The following CATSPERB variants were observed in gnomAD, a reference collection of about 807,000 sequenced individuals.
The protein encoded by CATSPERB is catsper channel auxiliary subunit beta, also known as cation channel sperm-associated auxiliary subunit beta.
CATSPERB carries 93 observed loss-of-function variants against 128.3 expected under a neutral mutation model. That is an observed-to-expected ratio of 0.72 (90% CI 0.61 to 0.86). The LOEUF (loss-of-function observed/expected upper bound fraction) is 0.86, where lower values mean the gene tolerates loss of function less well. Ranked by LOEUF, CATSPERB falls within the 40% of genes least tolerant of loss-of-function variation. The pLI, the probability that CATSPERB is intolerant of heterozygous loss-of-function variation, is 0.00. For synonymous variants in CATSPERB, 381 were observed against 448.8 expected, an observed-to-expected ratio of 0.85 and a Z score of 1.91; for missense variants, 1,153 against 1,329.5, an observed-to-expected ratio of 0.87 and a Z score of 2.06.
chr14:91,587,375 C>G, intron 25 of CATSPERB, 99 bp from the exon 26 acceptor site: 1 of 714,234 alleles, frequency 1.4e-6, no homozygotes, highest in South Asian at 3.0e-5. Flanking sequence ...CCTATAGATG[C>G]TGCATGAAAA....
chr14:91,722,625 G>C (rs1896054004), intron 4 of CATSPERB, among the ~76,000 whole-genome samples: 1 of 152,076 alleles, frequency 6.6e-6, no homozygotes, highest in African/African-American at 2.4e-5. Context: ...AACTATTTAA[G>C]TGCACACTTT....
chr14:91,581,410 G>T (rs191606226), intron 26 of CATSPERB, among the ~76,000 whole-genome samples: 1 of 152,230 alleles, frequency 6.6e-6, no homozygotes, highest in Non-Finnish European at 1.5e-5. Context: ...AGAGGAATGG[G>T]CAAAGAGCTC....
Position 91,621,863 on chromosome 14 carries a change from T to C in CATSPERB, c.2005A>G (p.Thr669Ala). ...GCATTCTTATTATCTAAAATGCTTG[T>C]GATGAGGAAGCTGCTGTACCCGGGA... The part of the protein sequence containing the change: ...VLPGYSSFLI[T>A]SILDNKNALA... The change falls in exon 19 of 27, where the codon ACA (threonine) becomes GCA (alanine). Residue 669 changes from threonine (T) to alanine (A), a missense_variant. Thr to Ala is a moderately conservative substitution (Grantham distance 58, BLOSUM62 0). Coordinates refer to ENST00000256343, the MANE Select transcript of CATSPERB (RefSeq NM_024764.4). The C allele has an allele frequency of 6.2e-7, 1 of 1,614,148 alleles. No individual in the cohort carries two copies. The highest frequency in any genetic ancestry group is 8.5e-7 in the Non-Finnish European group (1 of 1,179,972).
intron 26 of CATSPERB, 27 bp downstream of exon 26, chr14:91,587,175 C>T (rs780085072): frequency 3.5e-5 from 54 of 1,556,434 alleles, no homozygotes; most frequent in Non-Finnish European, 4.3e-5. Flanking sequence ...GCCATCACCC[C>T]TCTGATGCCA....
intron 17 of CATSPERB, among the ~76,000 whole-genome samples, chr14:91,625,842 T>C (rs1329155062): frequency 1.3e-5 from 2 of 152,154 alleles, no homozygotes; most frequent in Non-Finnish European, 2.9e-5. Context: ...AAATTAACTC[T>C]AGGCCGGGTG....
In CATSPERB at chr14:91,605,275, G is replaced by A. The variant is rs192868697; in HGVS notation, c.2709+3019C>T. On this transcript the variant is annotated intron_variant, in intron 22 of 26. Transcript: ENST00000256343. ...GTGAAGAGTCTTTACAGACGGATGC[G>A]TTGGAGCAAGGCAGGCTTTGTGAAC... 5,578 of 1,112,448 alleles carry A rather than the reference G, an allele frequency of 5.0e-3. 15 individuals carry two copies. Among genetic ancestry groups the A allele is most frequent in the Non-Finnish European group, 6.5e-3 (4,825 of 736,744 alleles). The allele number at this position is 1,112,448 out of a possible 1,614,324, so 68.9% of individuals were successfully genotyped here. A position where few individuals can be genotyped will look rare whatever the true frequency, so the allele number is the denominator to read the frequency against.
chr14:91,677,591 C>T (rs539730074), intron 11 of CATSPERB, among the ~76,000 whole-genome samples: 78 of 152,280 alleles, frequency 5.1e-4, no homozygotes, highest in Non-Finnish European at 4.9e-4. Flanking sequence ...GAAATAGGAA[C>T]GCTTTTACAC....
At chr14:91,699,541 C>G (rs557910147) in intron 7 of CATSPERB, among the ~76,000 whole-genome samples, 162 of 151,826 alleles carry the variant, frequency 1.1e-3, no homozygotes, top group African/African-American at 3.9e-3. Context: ...TTTTGCATCC[C>G]AGGAATGAAG....
At chr14:91,698,931 C>T (rs1895604265) in intron 7 of CATSPERB, among the ~76,000 whole-genome samples, 1 of 152,198 alleles carries the variant, frequency 6.6e-6, no homozygotes, top group African/African-American at 2.4e-5. Flanking sequence ...GCTTAGCTCC[C>T]ACTTATAAGT....
intron 20 of CATSPERB, among the ~76,000 whole-genome samples, 158 bp downstream of exon 20, chr14:91,617,439 A>G (rs1344436354): frequency 6.6e-6 from 1 of 152,196 alleles, no homozygotes; most frequent in Non-Finnish European, 1.5e-5. Flanking sequence ...AATTATTACA[A>G]CACTTTCTTC....
intron 15 of CATSPERB, among the ~76,000 whole-genome samples, chr14:91,652,462 C>T (rs1418997731): frequency 6.7e-6 from 1 of 149,606 alleles, no homozygotes; most frequent in Non-Finnish European, 1.5e-5. Context: ...AGTTTGAGAC[C>T]AGCCTGGCCA....
intron 3 of CATSPERB, among the ~76,000 whole-genome samples, chr14:91,724,506 T>C (rs1178534265): frequency 2.0e-5 from 3 of 152,152 alleles, no homozygotes; most frequent in African/African-American, 7.2e-5. Flanking sequence ...GTCTTTTTCT[T>C]TGTTTTTATT....
chr14:91,648,595 G>C (rs1894647628), intron 15 of CATSPERB, among the ~76,000 whole-genome samples: 1 of 140,346 alleles, frequency 7.1e-6, no homozygotes, highest in African/African-American at 2.6e-5. Flanking sequence ...TATTCTTTTA[G>C]AGCATTGACT....
intron 14 of CATSPERB, among the ~76,000 whole-genome samples, chr14:91,663,489 C>A (rs1894921785): frequency 6.6e-6 from 1 of 151,674 alleles, no homozygotes; most frequent in African/African-American, 2.4e-5. Flanking sequence ...ACTAAAAATA[C>A]AAAAAATTAG....
intron 13 of CATSPERB, among the ~76,000 whole-genome samples, chr14:91,671,012 G>T (rs1286235398): frequency 6.6e-6 from 1 of 151,972 alleles, no homozygotes; most frequent in Non-Finnish European, 1.5e-5. Flanking sequence ...ACAAAAAAAT[G>T]CCACTTTTAT....
At chr14:91,671,445 G>T (rs1460829442) in intron 13 of CATSPERB, among the ~76,000 whole-genome samples, 1 of 151,704 alleles carries the variant, frequency 6.6e-6, no homozygotes, top group Non-Finnish European at 1.5e-5. Flanking sequence ...TGTGGTGGTG[G>T]GCACCTGTAA....
chr14:91,607,097 GGC>G (rs1342906402), intron 22 of CATSPERB, among the ~76,000 whole-genome samples: 65 of 84,180 alleles, frequency 7.7e-4, no homozygotes, highest in East Asian at 8.9e-4. Context: ...GGGGGGGGGG[GGC>G]GGTGAATGTG....
In CATSPERB at chr14:91,603,097, C is replaced by T; in HGVS notation, c.2709+5197G>A. 5.1e-6 allele frequency: 4 copies of T among 786,604 alleles called. No individual in the cohort carries two copies. The South Asian group carries it at 5.4e-5, about 11-fold the overall frequency. The allele number at this position is 786,604 out of a possible 1,614,324, so 48.7% of individuals were successfully genotyped here. On this transcript the variant is annotated intron_variant, in intron 22 of 26. Transcript: ENST00000256343. ...CTGCTTTTTTACATTTATTTCTTGG[C>T]ATCATCTCTCTTGGAAGTCTTCTCC...
At chr14:91,600,838 T>G (rs12886328) in intron 22 of CATSPERB, among the ~76,000 whole-genome samples, 20,206 of 152,322 alleles carry the variant, frequency 0.13, 1,541 homozygotes, top group Middle Eastern at 0.22. Context: ...CCCAAGGGGC[T>G]GCCCTGCTAT....
Sources: gnomAD v4.1 joint callset for allele counts (sites outside exome capture counted in the v4.1 genomes callset) on GRCh38, gnomAD v4.1.1 for gene constraint, MANE v1.5 for transcripts, NCBI Gene and HGNC (gene_info 2026-07-23, HGNC 2026-07-21) for gene names.